The following EXOC4 variants were observed in gnomAD, a reference collection of about 807,000 sequenced individuals.
EXOC4 encodes the protein SEC8-like 1.
EXOC4 carries 71 observed loss-of-function variants against 107.2 expected under a neutral mutation model. The ratio of observed to expected loss-of-function variants is 0.66; its 90% CI spans 0.55 to 0.81. The LOEUF is 0.81. Among genes scored for constraint, EXOC4 ranks in the 30% least tolerant of loss-of-function variants. The pLI is 0.00. For missense variants in EXOC4, 1,108 were observed against 1,189.6 expected (o/e 0.93, Z 1.01); for synonymous variants, 456 against 441.2 (o/e 1.03, Z -0.42).
intron 7 of EXOC4, among the ~76,000 whole-genome samples, chr7:133,420,663 C>T (rs1797584011): frequency 6.6e-6 from 1 of 152,068 alleles, no homozygotes; most frequent in Admixed American, 6.5e-5. Flanking sequence ...GTCTGTGACA[C>T]CTGCTGGATC....
chr7:133,732,339 A>G (rs1426422569), intron 10 of EXOC4, among the ~76,000 whole-genome samples: 2 of 152,214 alleles, frequency 1.3e-5, no homozygotes, highest in East Asian at 1.9e-4. Context: ...GCGGGGCTTA[A>G]TACCTAGGTG....
At chr7:133,396,294 T>G (rs1463553210) in intron 7 of EXOC4, 2 of 152,194 alleles carry the variant, frequency 1.3e-5, no homozygotes, top group African/African-American at 4.8e-5. Context: ...CTTATGCTGA[T>G]GAATATGACC....
At chr7:133,734,836 C>T (rs1466045597) in intron 10 of EXOC4, among the ~76,000 whole-genome samples, 1 of 151,908 alleles carries the variant, frequency 6.6e-6, no homozygotes, top group Non-Finnish European at 1.5e-5. Context: ...ATAAGAGATA[C>T]TCAACCTGTA....
At chr7:133,276,388 T>C (rs1793992012) in intron 2 of EXOC4, among the ~76,000 whole-genome samples, 1 of 152,190 alleles carries the variant, frequency 6.6e-6, no homozygotes, top group South Asian at 2.1e-4. Flanking sequence ...CTGTGATAAA[T>C]AACAATAATT....
At chr7:133,646,334 C>T (rs1277293866) in intron 10 of EXOC4, among the ~76,000 whole-genome samples, 3 of 152,180 alleles carry the variant, frequency 2.0e-5, no homozygotes, top group African/African-American at 7.2e-5. Flanking sequence ...GAGGCCTCTG[C>T]TGACACATTT....
chr7:133,645,158 C>A (rs1034863157), intron 10 of EXOC4, among the ~76,000 whole-genome samples: 6 of 144,460 alleles, frequency 4.2e-5, no homozygotes, highest in African/African-American at 1.6e-4. Context: ...GTGGCATGAT[C>A]TCGGCTCACT....
chr7:133,851,894 T>C (rs1284077105), intron 11 of EXOC4, among the ~76,000 whole-genome samples: 1 of 152,200 alleles, frequency 6.6e-6, no homozygotes, highest in East Asian at 1.9e-4. Context: ...TACTACATTA[T>C]ACTGCTGTTA....
At chr7:133,820,810 G>A (rs776584647) in intron 11 of EXOC4, among the ~76,000 whole-genome samples, 1 of 152,136 alleles carries the variant, frequency 6.6e-6, no homozygotes, top group Non-Finnish European at 1.5e-5. Flanking sequence ...GTTTGATAAC[G>A]GACAGACACG....
At chr7:133,605,798 G>A (rs1379435605) in intron 9 of EXOC4, among the ~76,000 whole-genome samples, 1 of 152,152 alleles carries the variant, frequency 6.6e-6, no homozygotes, top group Non-Finnish European at 1.5e-5. Flanking sequence ...GGTACTTAAA[G>A]CCACCAGGTT....
intron 3 of EXOC4, among the ~76,000 whole-genome samples, chr7:133,305,416 C>T (rs1254863475): frequency 2.6e-5 from 4 of 152,158 alleles, no homozygotes; most frequent in Non-Finnish European, 4.4e-5. Flanking sequence ...GAGCCCGACT[C>T]TTGGTAAGCA....
At chr7:133,983,916 A>G (rs1244475513) in intron 14 of EXOC4, among the ~76,000 whole-genome samples, 1 of 152,200 alleles carries the variant, frequency 6.6e-6, no homozygotes, top group African/African-American at 2.4e-5. Flanking sequence ...CATATCCGGC[A>G]GGAGCTGAAT....
At chr7:133,988,017 T>C (rs1234570474) in intron 14 of EXOC4, among the ~76,000 whole-genome samples, 2 of 152,204 alleles carry the variant, frequency 1.3e-5, no homozygotes, top group East Asian at 3.8e-4. Context: ...CCTAATGTCC[T>C]AGTCTGATTA....
intron 10 of EXOC4, among the ~76,000 whole-genome samples, chr7:133,799,540 A>G (rs1362255546): frequency 6.6e-6 from 1 of 152,248 alleles, no homozygotes; most frequent in African/African-American, 2.4e-5. Flanking sequence ...GCAGAAAAAC[A>G]TAAGCAAAAG....
At chr7:133,776,160 T>C (rs1796341097) in intron 10 of EXOC4, among the ~76,000 whole-genome samples, 1 of 152,202 alleles carries the variant, frequency 6.6e-6, no homozygotes. Flanking sequence ...AACTTAAAGA[T>C]ACTGAGTTTT....
chr7:133,813,767 G>C (rs940072054), intron 10 of EXOC4, among the ~76,000 whole-genome samples: 1 of 151,818 alleles, frequency 6.6e-6, no homozygotes, highest in Non-Finnish European at 1.5e-5. Context: ...GCTCTTTCTT[G>C]TGCCTTCTCA....
the EXOC4 span, among the ~76,000 whole-genome samples, chr7:134,078,407 A>C: frequency 6.6e-6 from 1 of 151,986 alleles, no homozygotes; most frequent in Non-Finnish European, 1.5e-5. Flanking sequence ...AACCCCCTAC[A>C]AGTTGCCACA....
chr7:133,319,838 CTTTTT>C (rs35274622), intron 5 of EXOC4, among the ~76,000 whole-genome samples: 8 of 94,628 alleles, frequency 8.5e-5, no homozygotes, highest in Non-Finnish European at 1.6e-4. Context: ...TGATCGTGTG[CTTTTT>C]TTTTTTTTTT....
intron 14 of EXOC4, among the ~76,000 whole-genome samples, chr7:133,956,976 C>A (rs1270165054): frequency 1.3e-5 from 2 of 151,938 alleles, no homozygotes; most frequent in Non-Finnish European, 2.9e-5. Context: ...CGTGATAATA[C>A]CATTGATTTT....
chr7:133,615,200 C>T (rs1276957320), intron 9 of EXOC4, among the ~76,000 whole-genome samples: 2 of 151,924 alleles, frequency 1.3e-5, no homozygotes, highest in Admixed American at 1.3e-4. Context: ...TCTACTTTCC[C>T]CACCTCCTCC....
Sources: allele counts gnomAD v4.1 joint callset (sites outside exome capture counted in the v4.1 genomes callset), GRCh38; gene constraint gnomAD v4.1.1; transcripts MANE v1.5; gene names NCBI Gene and HGNC (gene_info 2026-07-23, HGNC 2026-07-21).